VAV3: variants seen among roughly 807,000 people sequenced by gnomAD.
VAV3 encodes the protein guanine nucleotide exchange factor VAV3.
A neutral mutation model predicts 131.2 loss-of-function variants in VAV3; 94 were observed. That is an observed-to-expected ratio of 0.72 (90% CI 0.61 to 0.85). The LOEUF (loss-of-function observed/expected upper bound fraction) is 0.85. VAV3 is among the 40% of genes least tolerant of loss of function. The pLI, the probability that VAV3 is intolerant of heterozygous loss-of-function variation, is 0.00. For missense variants in VAV3, 939 were observed against 1,002.7 expected, an observed-to-expected ratio of 0.94 and a Z score of 0.86; for synonymous variants, 349 against 342.0, an observed-to-expected ratio of 1.02 and a Z score of -0.22.
intron 10 of VAV3, 131 bp from the exon 11 acceptor site, chr1:107,757,460 G>T (rs1429435060): frequency 2.6e-6 from 2 of 773,846 alleles, no homozygotes; most frequent in African/African-American, 1.8e-5. Flanking sequence ...ATATGTCTGG[G>T]CTCCATTTCC....
intron 2 of VAV3, among the ~76,000 whole-genome samples, chr1:107,850,097 T>C (rs534676078): frequency 2.0e-5 from 3 of 152,168 alleles, no homozygotes; most frequent in Admixed American, 6.5e-5. Context: ...TATGGAGAAA[T>C]AGGAACACTT....
intron 2 of VAV3, among the ~76,000 whole-genome samples, chr1:107,800,088 T>C (rs966626312): frequency 6.6e-6 from 1 of 152,226 alleles, no homozygotes; most frequent in Non-Finnish European, 1.5e-5. Flanking sequence ...TACCTATTCA[T>C]CTATTGTTGG....
intron 2 of VAV3, among the ~76,000 whole-genome samples, chr1:107,798,718 CAAAAAAAAAAAA>C (rs57288177): frequency 8.1e-5 from 4 of 49,532 alleles, no homozygotes; most frequent in African/African-American, 1.6e-4. Flanking sequence ...GACTCCCTCT[CAAAAAAAAAAAA>C]AAAAAAAAAA....
chr1:107,845,041 C>A (rs1571032592), intron 2 of VAV3, among the ~76,000 whole-genome samples: 3 of 152,302 alleles, frequency 2.0e-5, no homozygotes, highest in East Asian at 3.9e-4. Context: ...TCGACAGACA[C>A]CTCTTACTGG....
chr1:107,637,577 C>T (rs1014457848), intron 20 of VAV3, among the ~76,000 whole-genome samples: 1 of 152,144 alleles, frequency 6.6e-6, no homozygotes, highest in Non-Finnish European at 1.5e-5. Context: ...GAGCCGTGAT[C>T]CCGCCGCTGC....
intron 1 of VAV3, among the ~76,000 whole-genome samples, chr1:107,949,926 G>A (rs2101330780): frequency 6.6e-6 from 1 of 152,236 alleles, no homozygotes; most frequent in East Asian, 1.9e-4. Flanking sequence ...ATCAGGTATT[G>A]CCTATATGAT....
At chr1:107,839,946 A>C (rs1668624566) in intron 2 of VAV3, among the ~76,000 whole-genome samples, 5 of 152,164 alleles carry the variant, frequency 3.3e-5, no homozygotes, top group African/African-American at 1.2e-4. Context: ...CAATTCCTTG[A>C]AAGACACAAA....
chr1:107,631,835 T>C (rs913696678), intron 20 of VAV3, among the ~76,000 whole-genome samples: 11 of 151,934 alleles, frequency 7.2e-5, no homozygotes, highest in South Asian at 4.2e-4. Flanking sequence ...GCATAGTATT[T>C]CATGGTGTAT....
Position 107,688,424 on chromosome 1 carries a change from A to C in VAV3, c.1706-18T>G. The C allele has an allele frequency of 6.2e-7, 1 of 1,613,416 alleles. No homozygotes were observed. On this transcript the variant is annotated intron_variant, in intron 17 of 26. Coordinates refer to ENST00000370056, the MANE Select transcript of VAV3 (RefSeq NM_006113.5). The stretch of plus-strand genomic sequence containing the variant: ...CCCTTGTTCTGAAAGAAATGTAAAA[A>C]TTGGCATTGTCAGTGTAAAGTTATT...
intron 1 of VAV3, among the ~76,000 whole-genome samples, chr1:107,880,885 C>T (rs187630275): frequency 1.1e-3 from 174 of 152,150 alleles, no homozygotes; most frequent in South Asian, 4.4e-3. Context: ...AGTGATGTTT[C>T]GGTGCTTGCT....
rs767088714 is a variant in VAV3, at chr1:107,642,772, C to T, written c.1778-17G>A. On this transcript the variant is annotated splice_polypyrimidine_tract_variant and intron_variant, in intron 19 of 26. Coordinates refer to ENST00000370056, the MANE Select transcript of VAV3 (RefSeq NM_006113.5). ...TTGGTAAACCTGAAAATAAGCCAAACAAGTTTTAGAATTGAGAAAACAATG... is the reference window on the plus strand; with the variant it reads ...TTGGTAAACCTGAAAATAAGCCAAATAAGTTTTAGAATTGAGAAAACAATG... The T allele has an allele frequency of 1.2e-6, 2 of 1,612,782 alleles. No homozygotes were observed. Among genetic ancestry groups the T allele is most frequent in the African/African-American group, 2.7e-5 (2 of 74,914 alleles).
At chr1:107,893,234 T>A (rs1671397497) in intron 1 of VAV3, among the ~76,000 whole-genome samples, 1 of 152,222 alleles carries the variant, frequency 6.6e-6, no homozygotes, top group African/African-American at 2.4e-5. Flanking sequence ...TTTAAAATTA[T>A]TTCTATAAAT....
At chr1:107,591,707 C>G (rs1428549830) in intron 25 of VAV3, among the ~76,000 whole-genome samples, 1 of 152,082 alleles carries the variant, frequency 6.6e-6, no homozygotes, top group African/African-American at 2.4e-5. Context: ...AAAAGGAATT[C>G]CCACATATTT....
chr1:107,693,310 T>C (rs1396484061), intron 17 of VAV3, among the ~76,000 whole-genome samples: 3 of 152,182 alleles, frequency 2.0e-5, no homozygotes, highest in Non-Finnish European at 4.4e-5. Context: ...CATAAACTAA[T>C]CATCCAACAT....
intron 25 of VAV3, among the ~76,000 whole-genome samples, chr1:107,593,672 A>G (rs1651143483): frequency 6.6e-6 from 1 of 152,118 alleles, no homozygotes; most frequent in South Asian, 2.1e-4. Context: ...CCTCCTTACC[A>G]CTTCCTGGGA....
chr1:107,626,491 G>A (rs902102992), intron 20 of VAV3, among the ~76,000 whole-genome samples: 2 of 152,096 alleles, frequency 1.3e-5, no homozygotes, highest in Non-Finnish European at 2.9e-5. Flanking sequence ...TACTAATGCC[G>A]ACTGAGCCTC....
intron 2 of VAV3, among the ~76,000 whole-genome samples, chr1:107,788,016 G>A (rs1199765741): frequency 3.3e-5 from 5 of 152,040 alleles, no homozygotes; most frequent in African/African-American, 1.2e-4. Flanking sequence ...GTAAGTGCCA[G>A]GTCTAAATCC....
intron 2 of VAV3, among the ~76,000 whole-genome samples, chr1:107,873,822 C>G (rs1670362158): frequency 6.6e-6 from 1 of 152,106 alleles, no homozygotes; most frequent in African/African-American, 2.4e-5. Context: ...CCTTCTAGAT[C>G]ACAAAATGAC....
At chr1:107,828,848 G>C (rs1370446815) in intron 2 of VAV3, among the ~76,000 whole-genome samples, 1 of 152,076 alleles carries the variant, frequency 6.6e-6, no homozygotes, top group Non-Finnish European at 1.5e-5. Flanking sequence ...TTAAGATATG[G>C]ACATCTTAGG....
Sources: allele counts gnomAD v4.1 joint callset (sites outside exome capture counted in the v4.1 genomes callset), GRCh38; gene constraint gnomAD v4.1.1; transcripts MANE v1.5; gene names NCBI Gene and HGNC (gene_info 2026-07-23, HGNC 2026-07-21).